The following PRKCB variants were observed in gnomAD, a reference collection of about 807,000 sequenced individuals.
The protein encoded by PRKCB is protein kinase C beta, also known as protein kinase C beta type.
PRKCB carries 13 observed loss-of-function variants against 81.5 expected under a neutral mutation model. The observed-to-expected ratio is 0.16, with a 90% CI of 0.10 to 0.25. The LOEUF (loss-of-function observed/expected upper bound fraction) is 0.25, where lower values mean the gene tolerates loss of function less well. PRKCB is among the 10% of genes least tolerant of loss of function. The pLI is 1.00. For missense variants in PRKCB, 509 were observed against 875.7 expected, an observed-to-expected ratio of 0.58 and a Z score of 5.29; for synonymous variants, 335 against 321.4, an observed-to-expected ratio of 1.04 and a Z score of -0.45.
chr16:24,119,734 C>T (rs1390901278), intron 8 of PRKCB, among the ~76,000 whole-genome samples: 1 of 152,078 alleles, frequency 6.6e-6, no homozygotes, highest in Non-Finnish European at 1.5e-5. Flanking sequence ...TTTGCAGTTT[C>T]CATTGCAAAT....
intron 2 of PRKCB, among the ~76,000 whole-genome samples, chr16:23,972,195 A>AT (rs1964566051): frequency 6.6e-6 from 1 of 152,232 alleles, no homozygotes. Flanking sequence ...AAAATAGTGC[A>AT]TACTGTACGA....
At chr16:23,856,932 C>T (rs577088642) in intron 2 of PRKCB, among the ~76,000 whole-genome samples, 1 of 152,192 alleles carries the variant, frequency 6.6e-6, no homozygotes, top group East Asian at 1.9e-4. Context: ...TCGAATATCA[C>T]TGTGAAATAT....
chr16:24,213,954 C>T (rs1455088307), intron 16 of PRKCB, among the ~76,000 whole-genome samples: 1 of 152,180 alleles, frequency 6.6e-6, no homozygotes, highest in Non-Finnish European at 1.5e-5. Context: ...TATTTCCTCC[C>T]ACATCCCTCC....
intron 2 of PRKCB, among the ~76,000 whole-genome samples, chr16:23,982,066 CT>C (rs1250821090): frequency 6.4e-3 from 182 of 28,588 alleles, no homozygotes; most frequent in Middle Eastern, 0.026. Context: ...CCTTCCCCTT[CT>C]CTTTCCCTTC....
At chr16:23,922,086 GA>G (rs1317814914) in intron 2 of PRKCB, among the ~76,000 whole-genome samples, 1 of 152,216 alleles carries the variant, frequency 6.6e-6, no homozygotes, top group Non-Finnish European at 1.5e-5. Flanking sequence ...GGATGATAAT[GA>G]AAACATTGAA....
At chr16:24,138,955 G>T (rs1405189786) in intron 9 of PRKCB, among the ~76,000 whole-genome samples, 1 of 147,288 alleles carries the variant, frequency 6.8e-6, no homozygotes, top group African/African-American at 2.5e-5. Flanking sequence ...AGGCTCAAGC[G>T]ATTCTTCTGC....
At chr16:24,073,281 G>A (rs74013119) in intron 5 of PRKCB, among the ~76,000 whole-genome samples, 5,855 of 152,218 alleles carry the variant, frequency 0.038, 335 homozygotes, top group African/African-American at 0.13. Flanking sequence ...CCTAAAGATG[G>A]CCTCCCATTG....
At chr16:23,992,276 G>A (rs1421688624) in intron 3 of PRKCB, among the ~76,000 whole-genome samples, 1 of 152,222 alleles carries the variant, frequency 6.6e-6, no homozygotes, top group Middle Eastern at 3.2e-3. Flanking sequence ...GGTACTAACA[G>A]TGTATAGAGG....
intron 9 of PRKCB, among the ~76,000 whole-genome samples, chr16:24,149,285 A>T (rs1967040392): frequency 6.6e-6 from 1 of 152,210 alleles, no homozygotes; most frequent in Non-Finnish European, 1.5e-5. Flanking sequence ...GGAGTATCAA[A>T]TATTTGTAGA....
intron 2 of PRKCB, among the ~76,000 whole-genome samples, chr16:23,873,191 A>C (rs967057453): frequency 3.6e-3 from 248 of 68,516 alleles, no homozygotes; most frequent in East Asian, 0.019. Context: ...CACACACACA[A>C]AAAAAAAAAA....
At chr16:24,162,453 T>C (rs1279453412) in intron 10 of PRKCB, among the ~76,000 whole-genome samples, 2 of 146,902 alleles carry the variant, frequency 1.4e-5, no homozygotes, top group African/African-American at 2.5e-5. Flanking sequence ...TTTTTTTTTT[T>C]TTTTTTTTTT....
At chr16:24,058,961 A>G (rs894513841) in intron 5 of PRKCB, among the ~76,000 whole-genome samples, 4 of 127,874 alleles carry the variant, frequency 3.1e-5, no homozygotes, top group African/African-American at 1.4e-4. Context: ...AAATTGATGT[A>G]GAGGATCAGG....
chr16:24,033,325 A>G (rs534723987), intron 4 of PRKCB, among the ~76,000 whole-genome samples: 28 of 152,296 alleles, frequency 1.8e-4, no homozygotes, highest in South Asian at 8.3e-4. Flanking sequence ...ACAGCAAGAA[A>G]CACACATGCA....
At chr16:23,879,461 GT>G (rs1963069773) in intron 2 of PRKCB, among the ~76,000 whole-genome samples, 1 of 85,576 alleles carries the variant, frequency 1.2e-5, no homozygotes, top group Non-Finnish European at 2.9e-5. Flanking sequence ...ATAAACCTTT[GT>G]TGTTGGTCCT....
In PRKCB at chr16:24,195,140, G is replaced by T. The variant is rs1216717542; in HGVS notation, c.1863+3910G>T. On this transcript the variant is annotated intron_variant, in intron 16 of 16. Coordinates refer to ENST00000643927, the MANE Select transcript of PRKCB (RefSeq NM_002738.7). ...ATCTTGATCCTGGGAGGTTGAGGCTGCAGTGAGCCATGATCATGCCACTGC... is the reference window on the plus strand; with the variant it reads ...ATCTTGATCCTGGGAGGTTGAGGCTTCAGTGAGCCATGATCATGCCACTGC... Among the ~76,000 whole-genome samples, 7 of 151,710 alleles carry T rather than the reference G, an allele frequency of 4.6e-5. 1 individual carries two copies. Among genetic ancestry groups the T allele is most frequent in the Middle Eastern group, 3.4e-3 (1 of 294 alleles).
At chr16:23,872,315 A>G (rs1962917987) in intron 2 of PRKCB, among the ~76,000 whole-genome samples, 1 of 152,228 alleles carries the variant, frequency 6.6e-6, no homozygotes, top group African/African-American at 2.4e-5. Flanking sequence ...GTTAATAGTT[A>G]AATGTCAGTC....
At position 23,874,313 on chromosome 16, in the gene PRKCB, G is replaced by A. The variant is rs1430325696; in HGVS notation, c.205+36907G>A. On this transcript the variant is annotated intron_variant, in intron 2 of 16. Coordinates refer to ENST00000643927, the MANE Select transcript of PRKCB (RefSeq NM_002738.7). ...CACAAATTCTGAAATCCCATGTAAC[G>A]TGTCAGCTAGATTCTGCCTATCACT... Among the ~76,000 whole-genome samples, 4 of 152,126 alleles carry A rather than the reference G, an allele frequency of 2.6e-5. No individual in the cohort carries two copies. The South Asian group carries it at 6.2e-4, about 24-fold the overall frequency.
intron 3 of PRKCB, among the ~76,000 whole-genome samples, chr16:24,002,329 G>A (rs373373182): frequency 0.012 from 669 of 55,576 alleles, 4 homozygotes; most frequent in African/African-American, 0.036. Flanking sequence ...GTGTGCGTGC[G>A]TGTGTGTGTG....
At chr16:23,916,130 T>G (rs1567312925) in intron 2 of PRKCB, among the ~76,000 whole-genome samples, 1 of 151,992 alleles carries the variant, frequency 6.6e-6, no homozygotes, top group East Asian at 1.9e-4. Context: ...CACAGCTCAC[T>G]GCAGCCTCAA....
Sources: gnomAD v4.1 joint callset for allele counts (sites outside exome capture counted in the v4.1 genomes callset) on GRCh38, gnomAD v4.1.1 for gene constraint, MANE v1.5 for transcripts, NCBI Gene and HGNC (gene_info 2026-07-23, HGNC 2026-07-21) for gene names.